Variants in PCDHA7 observed in about 807,000 individuals in gnomAD.
PCDHA7 encodes the protein protocadherin alpha-7.
In PCDHA7, 37 loss-of-function variants were observed where a neutral mutation model predicts 57.2. The ratio of observed to expected loss-of-function variants is 0.65; its 90% CI spans 0.50 to 0.85. The LOEUF (loss-of-function observed/expected upper bound fraction) is 0.85, where lower values mean the gene tolerates loss of function less well. Ranked by LOEUF, PCDHA7 falls within the 40% of genes least tolerant of loss-of-function variation. PCDHA7 has a pLI of 0.00. For synonymous variants in PCDHA7, 553 were observed against 558.8 expected (o/e 0.99, Z 0.15); for missense variants, 1,188 against 1,241.8 (o/e 0.96, Z 0.65).
intron 1 of PCDHA7, among the ~76,000 whole-genome samples, chr5:140,936,452 T>C (rs1447343887): frequency 2.0e-5 from 3 of 152,216 alleles, no homozygotes; most frequent in African/African-American, 7.2e-5. Flanking sequence ...ACCACATCTG[T>C]TTAGTGGTTG....
At chr5:140,837,677 T>C (rs2150278472) in intron 1 of PCDHA7, among the ~76,000 whole-genome samples, 1 of 151,824 alleles carries the variant, frequency 6.6e-6, no homozygotes, top group South Asian at 2.1e-4. Flanking sequence ...CTTTTTCTTT[T>C]TTCTTTCTTC....
At chr5:140,943,861 A>AG (rs2093579644) in intron 1 of PCDHA7, among the ~76,000 whole-genome samples, 1 of 152,230 alleles carries the variant, frequency 6.6e-6, no homozygotes, top group South Asian at 2.1e-4. Flanking sequence ...AGTCAAGAAG[A>AG]GGTCTCTGAA....
At chr5:140,843,295 G>T in intron 1 of PCDHA7, 1 of 1,595,950 alleles carries the variant, frequency 6.3e-7, no homozygotes, top group African/African-American at 1.3e-5. Flanking sequence ...GTGAACCTGC[G>T]CTGACCGCCA....
rs2150326253 is a variant in PCDHA7 at position 140,841,946 on chromosome 5, C to A, written c.2355+5208C>A. 13 of 1,613,790 alleles carry A rather than the reference C, an allele frequency of 8.1e-6. No homozygotes were observed. The highest frequency in any genetic ancestry group is 2.7e-5 in the African/African-American group (2 of 74,876). ...GGACAGAGAGGACGCTCCTGCGCAC[C>A]ACTTATTCCTGACAGCCACAGATGG... On this transcript the variant is annotated intron_variant, in intron 1 of 3. Coordinates refer to ENST00000525929, the MANE Select transcript of PCDHA7 (RefSeq NM_018910.3).
intron 1 of PCDHA7, among the ~76,000 whole-genome samples, chr5:140,878,853 A>G (rs565644052): frequency 1.3e-5 from 2 of 152,352 alleles, no homozygotes; most frequent in East Asian, 3.9e-4. Context: ...TCTGGGTTCA[A>G]CTGATCCTCC....
At position 140,849,972 on chromosome 5, in the gene PCDHA7, T is replaced by C. The variant is rs2150460905; in HGVS notation, c.2355+13234T>C. On this transcript the variant is annotated intron_variant, in intron 1 of 3. Transcript: ENST00000525929. The stretch of plus-strand genomic sequence containing the variant: ...GCAGGAGAACGCCCTGGTGTCCTAC[T>C]CGCTGGTGGAGCGGCGGTTGGGCGA... 4 of 1,597,588 alleles carry C rather than the reference T, an allele frequency of 2.5e-6. 1 individual carries two copies. Among genetic ancestry groups the C allele is most frequent in the Non-Finnish European group, 3.4e-6 (4 of 1,167,892 alleles).
At chr5:140,914,596 C>G (rs1454753124) in intron 1 of PCDHA7, among the ~76,000 whole-genome samples, 1 of 152,128 alleles carries the variant, frequency 6.6e-6, no homozygotes, top group Non-Finnish European at 1.5e-5. Context: ...TAAGTAGGAA[C>G]TTCCTCCTGC....
At chr5:140,871,422 C>T in intron 1 of PCDHA7, 1 of 1,613,658 alleles carries the variant, frequency 6.2e-7, no homozygotes, top group Non-Finnish European at 8.5e-7. Context: ...CCTTCAGCCC[C>T]AGTCTTCCTC....
At chr5:141,000,558 G>A (rs1462892656) in intron 3 of PCDHA7, among the ~76,000 whole-genome samples, 1 of 149,136 alleles carries the variant, frequency 6.7e-6, no homozygotes, top group Admixed American at 6.8e-5. Flanking sequence ...CTCCCGAGTA[G>A]CTGGGATTAC....
chr5:140,852,214 AT>A lies in PCDHA7; in HGVS notation c.2355+15480del, dbSNP rs1374970785. 2.5e-5 allele frequency: 16 copies of A among 644,870 alleles called. No individual in the cohort carries two copies. The South Asian group carries it at 1.1e-3, about 44-fold the overall frequency. The allele number at this position is 644,870 out of a possible 1,614,324, so 39.9% of individuals were successfully genotyped here. A position where few individuals can be genotyped will look rare whatever the true frequency, so the allele number is the denominator to read the frequency against. On this transcript the variant is annotated intron_variant, in intron 1 of 3. Transcript: ENST00000525929. ...CAGTAACGTTTATTTAAAACAAAAT[AT>A]TTTAATTTTTAAATTTTCCCTTAAA... is the stretch of plus-strand genomic sequence containing the variant.
At chr5:140,980,730 A>G (rs1227353445) in intron 2 of PCDHA7, among the ~76,000 whole-genome samples, 2 of 152,176 alleles carry the variant, frequency 1.3e-5, no homozygotes, top group Non-Finnish European at 2.9e-5. Context: ...CAATTAAGAT[A>G]TTATGAGATT....
intron 1 of PCDHA7, among the ~76,000 whole-genome samples, chr5:140,840,883 G>A (rs1212935487): frequency 2.6e-5 from 4 of 151,906 alleles, no homozygotes; most frequent in Non-Finnish European, 5.9e-5. Context: ...TTACATTTCT[G>A]ATATCCATGA....
Position 140,849,870 on chromosome 5 carries a change from G to A in PCDHA7, c.2355+13132G>A, listed in dbSNP as rs2150455328. 1.3e-5 allele frequency: 21 copies of A among 1,598,494 alleles called. 3 individuals are homozygous for A. The highest frequency in any genetic ancestry group is 5.1e-5 in the Admixed American group (3 of 59,300). The stretch of plus-strand genomic sequence containing the variant: ...CAACGCACCAGCGTTCGCGCAGTCC[G>A]AGTACACGGTGTTCGTGAAGGAGAA... On this transcript the variant is annotated intron_variant, in intron 1 of 3. Transcript: ENST00000525929.
intron 1 of PCDHA7, among the ~76,000 whole-genome samples, chr5:140,874,556 C>T (rs1194980368): frequency 3.3e-5 from 5 of 152,178 alleles, no homozygotes; most frequent in African/African-American, 4.8e-5. Flanking sequence ...AGAGATCTTT[C>T]GCATTTTAGT....
intron 1 of PCDHA7, chr5:140,862,770 G>A (rs1554156952): frequency 3.5e-6 from 2 of 576,708 alleles, no homozygotes; most frequent in Non-Finnish European, 6.7e-6. Context: ...AGAGGTACGC[G>A]TTGCAGCCAC....
Position 141,010,460 on chromosome 5 carries a change from A to G in PCDHA7, c.*523A>G. ...AGACAAATAAACAGCGGAAGTTATC[A>G]GTATGGAGGGGAAGTGTAAACTTAA... On this transcript the variant is annotated 3_prime_UTR_variant, in exon 4 of 4. Coordinates refer to ENST00000525929, the MANE Select transcript of PCDHA7 (RefSeq NM_018910.3). The G allele has an allele frequency of 1.2e-6, 1 of 835,130 alleles. No individual in the cohort carries two copies. The highest frequency in any genetic ancestry group is 1.8e-6 in the Non-Finnish European group (1 of 562,732). The allele number at this position is 835,130 out of a possible 1,614,324, so 51.7% of individuals were successfully genotyped here.
chr5:140,858,279 G>C, intron 1 of PCDHA7: 1 of 1,597,396 alleles, frequency 6.3e-7, no homozygotes, highest in Non-Finnish European at 8.6e-7. Context: ...AGCGCGGTGG[G>C]GAGCTGGTCT....
chr5:140,971,000 T>G (rs1409787417), intron 1 of PCDHA7, among the ~76,000 whole-genome samples: 2 of 152,196 alleles, frequency 1.3e-5, no homozygotes, highest in African/African-American at 4.8e-5. Flanking sequence ...ATCAAAGAGT[T>G]TCCAGAAGTC....
intron 1 of PCDHA7, chr5:140,841,263 GT>G (rs1777118084): frequency 6.6e-7 from 1 of 1,521,614 alleles, no homozygotes; most frequent in African/African-American, 1.4e-5. Flanking sequence ...GACTCTGAAA[GT>G]ACAGTCGTTC....
Sources: allele counts gnomAD v4.1 joint callset (sites outside exome capture counted in the v4.1 genomes callset), GRCh38; gene constraint gnomAD v4.1.1; transcripts MANE v1.5; gene names NCBI Gene and HGNC (gene_info 2026-07-23, HGNC 2026-07-21).